The following ZNF565 variants were observed in gnomAD, a reference collection of about 807,000 sequenced individuals.
The protein encoded by ZNF565 is zinc finger protein 565.
ZNF565 carries 27 observed loss-of-function variants against 39.4 expected under a neutral mutation model. That is an observed-to-expected ratio of 0.69 (90% CI 0.51 to 0.95). ZNF565 has a LOEUF of 0.95. ZNF565 is among the 40% of genes least tolerant of loss of function. The pLI is 0.00. For synonymous variants in ZNF565, 185 were observed against 216.6 expected, an observed-to-expected ratio of 0.85 and a Z score of 1.28; for missense variants, 524 against 621.1, an observed-to-expected ratio of 0.84 and a Z score of 1.66.
chr19:36,221,799 A>T (rs1317517351), intron 1 of ZNF565, among the ~76,000 whole-genome samples: 1 of 150,764 alleles, frequency 6.6e-6, no homozygotes, highest in Non-Finnish European at 1.5e-5. Flanking sequence ...TTCTGTCACT[A>T]TTATATATTT....
rs993464454 is a variant in ZNF565 at position 36,231,286 on chromosome 19, C to T, written c.55+14190G>A. 9.9e-5 allele frequency among the ~76,000 whole-genome samples: 15 copies of T among 151,860 alleles called. 1 individual carries two copies. Among genetic ancestry groups the T allele is most frequent in the South Asian group, 4.2e-4 (2 of 4,806 alleles). On this transcript the variant is annotated intron_variant, in intron 1 of 4. Transcript: ENST00000355114. ...GTGCGGTGGTGCCATCGTGGCTCAC[C>T]GCAGCCTCTGCCTCCCGGGTTCAAG...
intron 1 of ZNF565, chr19:36,237,468 T>G (rs971798957): frequency 4.3e-6 from 4 of 934,710 alleles, no homozygotes; most frequent in Non-Finnish European, 4.7e-6. Flanking sequence ...AGAAAATTTG[T>G]ACTGAAGAGA....
At chr19:36,203,951 C>A (rs939526940) in intron 1 of ZNF565, among the ~76,000 whole-genome samples, 1 of 138,048 alleles carries the variant, frequency 7.2e-6, no homozygotes. Flanking sequence ...AAAAGAAATA[C>A]TTTTTTTTTT....
upstream of ZNF565, among the ~76,000 whole-genome samples, chr19:36,219,099 C>T (rs574759286): frequency 2.6e-5 from 4 of 152,272 alleles, no homozygotes; most frequent in East Asian, 5.8e-4. Context: ...TGAGCCACTG[C>T]GCCTGGCCAC....
intron 1 of ZNF565, among the ~76,000 whole-genome samples, chr19:36,232,774 A>G (rs535142929): frequency 1.3e-5 from 2 of 152,018 alleles, no homozygotes; most frequent in East Asian, 3.9e-4. Flanking sequence ...ACATCCAGCT[A>G]ATTTTTTGTA....
intron 1 of ZNF565, among the ~76,000 whole-genome samples, chr19:36,241,724 G>T (rs1977803929): frequency 6.7e-6 from 1 of 149,256 alleles, no homozygotes; most frequent in Non-Finnish European, 1.5e-5. Context: ...CCCAGGAGGT[G>T]GAGGTTGCAG....
chr19:36,236,483 C>A (rs746103126), intron 1 of ZNF565: 24 of 1,613,030 alleles, frequency 1.5e-5, no homozygotes, highest in Non-Finnish European at 1.9e-5. Context: ...TGGGGAAAAC[C>A]CCTTTGCCTG....
At chr19:36,231,359 A>G (rs1977360821) in intron 1 of ZNF565, among the ~76,000 whole-genome samples, 1 of 151,854 alleles carries the variant, frequency 6.6e-6, no homozygotes, top group Non-Finnish European at 1.5e-5. Context: ...ACAGGTGCCC[A>G]CCACCACACC....
intron 2 of ZNF565, among the ~76,000 whole-genome samples, chr19:36,201,577 C>T (rs1246552615): frequency 6.6e-6 from 1 of 151,976 alleles, no homozygotes; most frequent in Non-Finnish European, 1.5e-5. Flanking sequence ...TGGGTTCAAA[C>T]GATTCTCCTG....
intron 2 of ZNF565, among the ~76,000 whole-genome samples, chr19:36,201,276 T>G (rs926531818): frequency 2.6e-5 from 4 of 152,262 alleles, no homozygotes; most frequent in Admixed American, 2.6e-4. Context: ...TGCTCCAGTC[T>G]GGGTGACAGA....
chr19:36,193,701 A>G (rs766112893), intron 4 of ZNF565, among the ~76,000 whole-genome samples: 1 of 152,164 alleles, frequency 6.6e-6, no homozygotes, highest in Non-Finnish European at 1.5e-5. Context: ...TTGGCCTTCC[A>G]AAGTCCTGGG....
Position 36,245,609 on chromosome 19 carries a change from A to G in ZNF565, c.-79T>C. 1 of 700,834 alleles carries G rather than the reference A, an allele frequency of 1.4e-6. No homozygotes were observed. Among genetic ancestry groups the G allele is most frequent in the Admixed American group, 2.0e-5 (1 of 49,934 alleles). 43.4% of individuals were successfully genotyped at this position (700,834 alleles called of 1,614,324 possible). On this transcript the variant is annotated 5_prime_UTR_variant, in exon 1 of 5. Transcript: ENST00000355114. This position sits in a 1 kb window ranked among gnomAD's most constrained non-coding sequence, Gnocchi z 4.4. ...GAGGAGGCTTGAGATGCAGCCTCCCAGCTTCGAGGCTACCACCTGCCCGAA... is the reference window on the plus strand; with the variant it reads ...GAGGAGGCTTGAGATGCAGCCTCCCGGCTTCGAGGCTACCACCTGCCCGAA...
At chr19:36,182,218 CAAG>C, downstream of ZNF565, 2 of 378,592 alleles carry the variant, frequency 5.3e-6, no homozygotes, top group Non-Finnish European at 9.2e-6. Flanking sequence ...TTTTGAATGG[CAAG>C]AAGCAGCTTT....
chr19:36,201,104 C>T (rs573974037), intron 2 of ZNF565, among the ~76,000 whole-genome samples: 39 of 152,206 alleles, frequency 2.6e-4, no homozygotes, highest in Admixed American at 1.6e-3. Flanking sequence ...GAGTTTGAGA[C>T]CAGTCTGGGC....
chr19:36,194,290 C>T lies in ZNF565; in HGVS notation c.175G>A (p.Glu59Lys), dbSNP rs1975679244. 1.9e-6 allele frequency: 3 copies of T among 1,612,760 alleles called. No individual in the cohort carries two copies. Among genetic ancestry groups the T allele is most frequent in the Admixed American group, 3.3e-5 (2 of 59,816 alleles). ...ISKPDVVSLLEQGKEPWMIAN... is the reference protein window; with the variant it reads ...ISKPDVVSLLKQGKEPWMIAN... Reference sequence around the variant, plus strand: ...ATCATCCAGGGCTCTTTCCCTTGCTCCAATAAGGAGACGACATCAGGCTTA... The same window carrying T: ...ATCATCCAGGGCTCTTTCCCTTGCTTCAATAAGGAGACGACATCAGGCTTA... The change falls in exon 4 of 5, where the codon GAG (glutamate) becomes AAG (lysine). Residue 59 changes from glutamate (E) to lysine (K), a missense_variant. Coordinates refer to ENST00000304116, the MANE Select transcript of ZNF565 (RefSeq NM_152477.5).
chr19:36,245,457 C>A lies in ZNF565; in HGVS notation c.55+19G>T. 1.4e-6 allele frequency: 1 copy of A among 702,302 alleles called. No homozygotes were observed. Among genetic ancestry groups the A allele is most frequent in the Non-Finnish European group, 2.6e-6 (1 of 384,772 alleles). The allele number at this position is 702,302 out of a possible 1,614,324, so 43.5% of individuals were successfully genotyped here. A position where few individuals can be genotyped will look rare whatever the true frequency, so the allele number is the denominator to read the frequency against. On this transcript the variant is annotated intron_variant, in intron 1 of 4. Coordinates refer to the ZNF565 transcript ENST00000355114. This position sits in a 1 kb window ranked among gnomAD's most constrained non-coding sequence, Gnocchi z 4.4. ...CCGGATCACATTTCCCGTGGTCCAC[C>A]GCGCATCTAGGAGGTTACCTGCGTC...
intron 3 of ZNF565, chr19:36,194,712 C>T: frequency 2.0e-6 from 1 of 495,398 alleles, no homozygotes; most frequent in Non-Finnish European, 3.7e-6. Flanking sequence ...CGACAGCTCA[C>T]CGTAAGGACT....
At position 36,182,977 on chromosome 19, in the gene ZNF565, G is replaced by A. The variant is rs1975140163; in HGVS notation, c.989C>T (p.Thr330Ile). ...CTTACACTCGTAGGGTTTCTCACCA[G>A]TGTGGATTCGCTGGTGTACAGTCAG... The part of the protein sequence containing the change: ...SQLTVHQRIH[T>I]GEKPYECKEC... The change falls in exon 5 of 5, where the codon ACT becomes ATT. Residue 330 changes from threonine (T) to isoleucine (I), a missense_variant. By Grantham distance (89) the Thr-to-Ile change is moderately conservative (BLOSUM62 -1). Coordinates refer to ENST00000304116, the MANE Select transcript of ZNF565 (RefSeq NM_152477.5). The A allele has an allele frequency of 6.2e-7, 1 of 1,614,074 alleles. No homozygotes were observed.
At chr19:36,219,182 T>TG (rs1976737470), upstream of ZNF565, among the ~76,000 whole-genome samples, 1 of 152,126 alleles carries the variant, frequency 6.6e-6, no homozygotes, top group African/African-American at 2.4e-5. Context: ...ATTTTTGAGA[T>TG]GGGGTCTCAC....
Sources: allele counts gnomAD v4.1 joint callset (sites outside exome capture counted in the v4.1 genomes callset), GRCh38; gene constraint gnomAD v4.1.1; non-coding constraint Gnocchi (gnomAD v3.1); transcripts MANE v1.5; gene names NCBI Gene and HGNC (gene_info 2026-07-23, HGNC 2026-07-21).